The following KIF3B variants were observed in gnomAD, a reference collection of about 807,000 sequenced individuals.
The protein encoded by KIF3B is kinesin family member 3B.
Under a neutral mutation model 74.3 loss-of-function variants are expected in KIF3B, and 38 were observed. That is an observed-to-expected ratio of 0.51 (90% confidence interval 0.39 to 0.67). KIF3B has a LOEUF of 0.67. KIF3B is among the 30% of genes least tolerant of loss of function. KIF3B has a pLI of 0.00. For synonymous variants in KIF3B, 326 were observed against 342.5 expected (o/e 0.95, Z 0.53); for missense variants, 649 against 932.0 (o/e 0.70, Z 3.95).
chr20:32,312,355 T>TC (rs2047805415), intron 2 of KIF3B, among the ~76,000 whole-genome samples: 2 of 151,770 alleles, frequency 1.3e-5, no homozygotes, highest in African/African-American at 4.8e-5. Context: ...TTCTCCCACC[T>TC]CCCCCTCCCA....
chr20:32,290,306 C>T (rs1451992329), intron 1 of KIF3B, among the ~76,000 whole-genome samples: 1 of 152,032 alleles, frequency 6.6e-6, no homozygotes, highest in Non-Finnish European at 1.5e-5. Flanking sequence ...TCCCTTGAAC[C>T]TGGGAGGTGG....
In KIF3B at chr20:32,333,200, A is replaced by G. The variant is rs1229224917; in HGVS notation, c.*1881A>G. 6.6e-6 allele frequency: 1 copy of G among 152,138 alleles called. No individual in the cohort carries two copies. Among genetic ancestry groups the G allele is most frequent in the Non-Finnish European group, 1.5e-5 (1 of 68,016 alleles). 9.4% of individuals were successfully genotyped at this position (152,138 alleles called of 1,614,324 possible). ...TATTTACTAAGAATTTGCCTGTTTGAATAAGAACAAAACGCTAAGGTGGGT... is the reference window on the plus strand; with the variant it reads ...TATTTACTAAGAATTTGCCTGTTTGGATAAGAACAAAACGCTAAGGTGGGT... On this transcript the variant is annotated 3_prime_UTR_variant, in exon 9 of 9. Coordinates refer to ENST00000375712, the MANE Select transcript of KIF3B (RefSeq NM_004798.4).
intron 1 of KIF3B, among the ~76,000 whole-genome samples, chr20:32,307,657 C>T (rs902156681): frequency 6.6e-6 from 1 of 152,060 alleles, no homozygotes; most frequent in African/African-American, 2.4e-5. Flanking sequence ...GAATATAAGA[C>T]TTTTTTTCAT....
intron 2 of KIF3B, among the ~76,000 whole-genome samples, chr20:32,314,345 G>A (rs992344832): frequency 6.6e-6 from 1 of 152,140 alleles, no homozygotes; most frequent in Non-Finnish European, 1.5e-5. Flanking sequence ...TTCAAGGCCA[G>A]CCTGGCCAAC....
At chr20:32,331,198 A>G (rs1427292054) in intron 8 of KIF3B, 25 bp from the exon 9 acceptor site, 1 of 1,522,520 alleles carries the variant, frequency 6.6e-7, no homozygotes, top group Non-Finnish European at 9.1e-7. Flanking sequence ...GACATGTAAT[A>G]TAAACATGTG....
At chr20:32,293,987 C>G (rs1442119545) in intron 1 of KIF3B, among the ~76,000 whole-genome samples, 1 of 152,120 alleles carries the variant, frequency 6.6e-6, no homozygotes, top group East Asian at 1.9e-4. Flanking sequence ...CCCTGAGTCT[C>G]TGATCCTTAT....
intron 1 of KIF3B, among the ~76,000 whole-genome samples, chr20:32,291,638 CAG>C (rs1285662020): frequency 7.1e-6 from 1 of 141,236 alleles, no homozygotes; most frequent in East Asian, 2.1e-4. Context: ...TTTTTTGAGA[CAG>C]AGTCTCGCTC....
chr20:32,331,379 C>A lies in KIF3B; in HGVS notation c.*60C>A. 3 of 1,364,572 alleles carry A rather than the reference C, an allele frequency of 2.2e-6. No homozygotes were observed. Among genetic ancestry groups the A allele is most frequent in the Admixed American group, 2.0e-5 (1 of 50,978 alleles). 84.5% of individuals were successfully genotyped at this position (1,364,572 alleles called of 1,614,324 possible). On this transcript the variant is annotated 3_prime_UTR_variant, in exon 9 of 9. Coordinates refer to ENST00000375712, the MANE Select transcript of KIF3B (RefSeq NM_004798.4). ...TTTGCCTTCTGAGAGAAGAGACTAG[C>A]AAAAAGCTGCAGAGAGGATTCGGCC...
At chr20:32,295,296 T>C (rs1359024823) in intron 1 of KIF3B, among the ~76,000 whole-genome samples, 3 of 146,784 alleles carry the variant, frequency 2.0e-5, no homozygotes, top group Non-Finnish European at 3.0e-5. Context: ...CCCCGCCCCC[T>C]TTTTTTTTTC....
intron 1 of KIF3B, among the ~76,000 whole-genome samples, chr20:32,309,085 C>T (rs557401215): frequency 2.6e-5 from 4 of 151,970 alleles, no homozygotes; most frequent in South Asian, 4.2e-4. Flanking sequence ...GGCGTGATTG[C>T]GGCTTACTGT....
intron 1 of KIF3B, among the ~76,000 whole-genome samples, chr20:32,283,834 G>T (rs750190164): frequency 3.9e-5 from 6 of 152,098 alleles, no homozygotes; most frequent in Non-Finnish European, 8.8e-5. Flanking sequence ...TGTAGAGACG[G>T]GTCTTACTGT....
rs1026903382 is a variant in KIF3B, at chr20:32,331,436, G to A, written c.*117G>A. Reference sequence around the variant, plus strand: ...CAGAACTGTTCCCCTGAGGAGAAGCGGTGGCCTCTTTGCAGATCAACCAAC... The same window carrying A: ...CAGAACTGTTCCCCTGAGGAGAAGCAGTGGCCTCTTTGCAGATCAACCAAC... On this transcript the variant is annotated 3_prime_UTR_variant, in exon 9 of 9. Coordinates refer to ENST00000375712, the MANE Select transcript of KIF3B (RefSeq NM_004798.4). The A allele has an allele frequency of 7.8e-6, 6 of 765,934 alleles. No individual in the cohort carries two copies. Among genetic ancestry groups the A allele is most frequent in the South Asian group, 3.5e-5 (2 of 57,424 alleles). The allele number at this position is 765,934 out of a possible 1,614,324, so 47.4% of individuals were successfully genotyped here.
In KIF3B at chr20:32,332,365, G is replaced by A. The variant is rs1207797200; in HGVS notation, c.*1046G>A. 6.6e-6 allele frequency: 1 copy of A among 152,368 alleles called. No homozygotes were observed. The highest frequency in any genetic ancestry group is 2.4e-5 in the African/African-American group (1 of 41,466). 9.4% of individuals were successfully genotyped at this position (152,368 alleles called of 1,614,324 possible). ...TAGGCAGATGCAGAGATGGAGACAT[G>A]AGACTCAGTGCAGTGGGCAGGGAAG... On this transcript the variant is annotated 3_prime_UTR_variant, in exon 9 of 9. Coordinates refer to ENST00000375712, the MANE Select transcript of KIF3B (RefSeq NM_004798.4).
chr20:32,331,164 T>G, intron 8 of KIF3B, 59 bp from the exon 9 acceptor site: 1 of 1,223,530 alleles, frequency 8.2e-7, no homozygotes, highest in Admixed American at 1.8e-5. Context: ...TAATGACATC[T>G]GATGTGTCAG....
At chr20:32,305,014 G>T (rs1238305012) in intron 1 of KIF3B, among the ~76,000 whole-genome samples, 1 of 152,028 alleles carries the variant, frequency 6.6e-6, no homozygotes, top group Non-Finnish European at 1.5e-5. Context: ...CGGGCATGGT[G>T]GTGGGTGCCT....
At chr20:32,290,228 C>G (rs1680554061) in intron 1 of KIF3B, among the ~76,000 whole-genome samples, 1 of 151,926 alleles carries the variant, frequency 6.6e-6, no homozygotes, top group Non-Finnish European at 1.5e-5. Flanking sequence ...ACTAAAAATA[C>G]AAAAGTTAGC....
intron 1 of KIF3B, among the ~76,000 whole-genome samples, chr20:32,280,331 CAGT>C (rs2047636238): frequency 6.6e-6 from 1 of 152,092 alleles, no homozygotes; most frequent in Non-Finnish European, 1.5e-5. Flanking sequence ...AAGCATGAAA[CAGT>C]AGCCATCATG....
intron 5 of KIF3B, among the ~76,000 whole-genome samples, chr20:32,323,960 G>A (rs1299241719): frequency 6.6e-6 from 1 of 151,866 alleles, no homozygotes; most frequent in Non-Finnish European, 1.5e-5. Flanking sequence ...ATCCCACATT[G>A]TAGGCGGGAG....
At chr20:32,295,567 A>G (rs1466077263) in intron 1 of KIF3B, among the ~76,000 whole-genome samples, 1 of 152,146 alleles carries the variant, frequency 6.6e-6, no homozygotes, top group Admixed American at 6.5e-5. Context: ...TGCTGGGATT[A>G]CAGGTGTGAG....
Sources: gnomAD v4.1 joint callset for allele counts (sites outside exome capture counted in the v4.1 genomes callset) on GRCh38, gnomAD v4.1.1 for gene constraint, MANE v1.5 for transcripts, NCBI Gene and HGNC (gene_info 2026-07-23, HGNC 2026-07-21) for gene names.